The following PANX1 variants were observed in gnomAD, a reference collection of about 807,000 sequenced individuals.
PANX1 encodes the protein pannexin 1, also known as pannexin-1.
PANX1 carries 30 observed loss-of-function variants against 38.7 expected under a neutral mutation model. The observed-to-expected ratio is 0.78, with a 90% CI of 0.58 to 1.05. The LOEUF (loss-of-function observed/expected upper bound fraction) is 1.05, where lower values mean the gene tolerates loss of function less well. Ranked by LOEUF, PANX1 falls within the 50% of genes least tolerant of loss-of-function variation. PANX1 has a pLI of 0.00. For missense variants in PANX1, 551 were observed against 517.2 expected (o/e 1.07, Z -0.63); for synonymous variants, 230 against 212.2 (o/e 1.08, Z -0.73).
intron 1 of PANX1, among the ~76,000 whole-genome samples, chr11:94,131,779 G>A (rs1946632296): frequency 1.3e-5 from 2 of 152,178 alleles, no homozygotes; most frequent in Admixed American, 1.3e-4. Flanking sequence ...TTAATACATG[G>A]AGTTGGTACA....
At chr11:94,130,124 T>C (rs138497027) in intron 1 of PANX1, among the ~76,000 whole-genome samples, 2 of 152,316 alleles carry the variant, frequency 1.3e-5, no homozygotes, top group African/African-American at 4.8e-5. Flanking sequence ...GATTGGAAAG[T>C]CTGGTGGTTT....
At chr11:94,161,475 C>G (rs545382074) in intron 2 of PANX1, among the ~76,000 whole-genome samples, 1 of 152,310 alleles carries the variant, frequency 6.6e-6, no homozygotes, top group African/African-American at 2.4e-5. Flanking sequence ...TTCATTTGAT[C>G]TTCCATCACT....
intron 2 of PANX1, among the ~76,000 whole-genome samples, chr11:94,169,837 G>T (rs1947144601): frequency 6.6e-6 from 1 of 151,546 alleles, no homozygotes; most frequent in Non-Finnish European, 1.5e-5. Flanking sequence ...CTAAAACCAT[G>T]AAAGAAAAAA....
At chr11:94,146,548 C>G (rs922376908) in intron 1 of PANX1, among the ~76,000 whole-genome samples, 3 of 152,194 alleles carry the variant, frequency 2.0e-5, no homozygotes. Flanking sequence ...TGATGTCACC[C>G]AGTTATGGGG....
intron 1 of PANX1, among the ~76,000 whole-genome samples, chr11:94,145,825 A>C (rs1475873333): frequency 1.3e-5 from 2 of 152,238 alleles, no homozygotes; most frequent in Non-Finnish European, 2.9e-5. Flanking sequence ...CAGGATTCTC[A>C]CTGTGAAAGA....
intron 1 of PANX1, among the ~76,000 whole-genome samples, chr11:94,145,778 A>T (rs775783619): frequency 6.6e-6 from 1 of 152,228 alleles, no homozygotes; most frequent in Non-Finnish European, 1.5e-5. Flanking sequence ...ACAGTTTGGG[A>T]TTGAGTAAAT....
At position 94,179,897 on chromosome 11, in the gene PANX1, C is replaced by G; in HGVS notation, c.841C>G (p.Leu281Val). ...GIFQLLSVIN[L>V]VVYVLLAPVV... ...CTTCCAGTTGCTCAGTGTCATTAAC[C>G]TTGTGGTTTATGTCCTGCTGGCTCC... is the stretch of plus-strand genomic sequence containing the variant. Residue 281 changes from leucine (L) to valine (V), a missense_variant, in exon 4 of 5, where the codon CTT (leucine) becomes GTT (valine). Transcript: ENST00000227638. The G allele has an allele frequency of 1.2e-6, 2 of 1,613,904 alleles. No homozygotes were observed. Among genetic ancestry groups the G allele is most frequent in the South Asian group, 1.1e-5 (1 of 91,038 alleles).
intron 2 of PANX1, among the ~76,000 whole-genome samples, chr11:94,154,682 G>C (rs1020725328): frequency 4.6e-5 from 7 of 152,114 alleles, no homozygotes; most frequent in Admixed American, 6.6e-5. Flanking sequence ...GAACAATGTG[G>C]GGGTCGGGGC....
Position 94,153,590 on chromosome 11 carries a change from T to C in PANX1, c.281T>C (p.Leu94Pro). 1 of 1,614,012 alleles carries C rather than the reference T, an allele frequency of 6.2e-7. No individual in the cohort carries two copies. Among genetic ancestry groups the C allele is most frequent in the East Asian group, 2.2e-5 (1 of 44,882 alleles). Residue 94 changes from leucine to proline, a missense_variant, in exon 2 of 5, where the codon CTG (leucine) becomes CCG (proline). Transcript: ENST00000227638. ...GCGGCTGTTCAGCAGAAGAACTCAC[T>C]GCAGAGCGAGTCTGGAAACCTCCCA... ...CWAAVQQKNSLQSESGNLPLW... is the reference protein window; with the variant it reads ...CWAAVQQKNSPQSESGNLPLW...
intron 1 of PANX1, among the ~76,000 whole-genome samples, chr11:94,145,636 C>A (rs1287004258): frequency 6.6e-6 from 1 of 152,210 alleles, no homozygotes; most frequent in Admixed American, 6.5e-5. Flanking sequence ...TGAGTTATTG[C>A]AATAGATTCC....
Position 94,180,051 on chromosome 11 carries a change from A to G in PANX1, c.995A>G (p.Asn332Ser), listed in dbSNP as rs773502098. 19 of 1,611,380 alleles carry G rather than the reference A, an allele frequency of 1.2e-5. No homozygotes were observed. The highest frequency in any genetic ancestry group is 8.9e-5 in the East Asian group (4 of 44,800). ...GGGTACAACGATTTGAGCCTCTACA[A>G]TCTCTTCTTGGAGGAAAATATAAGT... is the stretch of plus-strand genomic sequence containing the variant. The part of the protein sequence containing the change: ...SEGYNDLSLY[N>S]LFLEENISEV... The change falls in exon 4 of 5, where the codon AAT becomes AGT. Residue 332 changes from asparagine (N) to serine (S), a missense_variant. Coordinates refer to ENST00000227638, the MANE Select transcript of PANX1 (RefSeq NM_015368.4).
chr11:94,152,753 G>C (rs1946897898), intron 1 of PANX1, among the ~76,000 whole-genome samples: 1 of 152,220 alleles, frequency 6.6e-6, no homozygotes, highest in African/African-American at 2.4e-5. Flanking sequence ...GGTAGCATCT[G>C]CAGAGAGATG....
intron 1 of PANX1, among the ~76,000 whole-genome samples, chr11:94,143,033 G>T (rs1946781740): frequency 6.6e-6 from 1 of 152,350 alleles, no homozygotes; most frequent in Admixed American, 6.5e-5. Flanking sequence ...TTTGCAAAGA[G>T]ATCTCATGAC....
chr11:94,165,927 G>C (rs1280688496), intron 2 of PANX1, among the ~76,000 whole-genome samples: 1 of 151,794 alleles, frequency 6.6e-6, no homozygotes, highest in African/African-American at 2.4e-5. Flanking sequence ...TAATATAATA[G>C]TAATAACTAT....
At chr11:94,171,481 G>A (rs192981967) in intron 2 of PANX1, among the ~76,000 whole-genome samples, 41 of 151,780 alleles carry the variant, frequency 2.7e-4, no homozygotes, top group African/African-American at 1.0e-3. Flanking sequence ...GTAGTCCATA[G>A]TGGGTGCTTG....
chr11:94,147,077 A>C (rs2134486807), intron 1 of PANX1, among the ~76,000 whole-genome samples: 1 of 152,304 alleles, frequency 6.6e-6, no homozygotes, highest in East Asian at 1.9e-4. Flanking sequence ...ACACTGGTTG[A>C]ATCTAAGTGC....
intron 1 of PANX1, among the ~76,000 whole-genome samples, chr11:94,130,988 T>A (rs1484496383): frequency 6.6e-6 from 1 of 152,212 alleles, no homozygotes; most frequent in African/African-American, 2.4e-5. Context: ...GGATGTTCTT[T>A]AAGTTTCCAT....
chr11:94,135,977 A>G (rs1946683939), intron 1 of PANX1, among the ~76,000 whole-genome samples: 1 of 152,196 alleles, frequency 6.6e-6, no homozygotes, highest in African/African-American at 2.4e-5. Flanking sequence ...GAATATACTT[A>G]CAATTCATCT....
At chr11:94,145,188 C>A (rs1321521002) in intron 1 of PANX1, among the ~76,000 whole-genome samples, 1 of 152,180 alleles carries the variant, frequency 6.6e-6, no homozygotes, top group African/African-American at 2.4e-5. Context: ...TTCCCCTTGG[C>A]TTTGTTTGAC....
Sources: allele counts gnomAD v4.1 joint callset (sites outside exome capture counted in the v4.1 genomes callset), GRCh38; gene constraint gnomAD v4.1.1; transcripts MANE v1.5; gene names NCBI Gene and HGNC (gene_info 2026-07-23, HGNC 2026-07-21).